Variants in BCKDHB observed in about 807,000 individuals in gnomAD.
BCKDHB encodes the protein 2-oxoisovalerate dehydrogenase subunit beta, mitochondrial.
A neutral mutation model predicts 48.5 loss-of-function variants in BCKDHB; 41 were observed. That is an observed-to-expected ratio of 0.85 (90% CI 0.66 to 1.10). The LOEUF is 1.10. BCKDHB is among the 50% of genes least tolerant of loss of function. The probability of loss-of-function intolerance (pLI) is 0.00; values close to 1 mark genes in which losing one functional copy is unlikely to be tolerated. For synonymous variants in BCKDHB, 201 were observed against 174.8 expected (o/e 1.15, Z -1.18); for missense variants, 496 against 494.2 (o/e 1.00, Z -0.03).
intron 3 of BCKDHB, among the ~76,000 whole-genome samples, chr6:80,148,848 C>T (rs892408423): frequency 1.3e-4 from 19 of 151,936 alleles, no homozygotes; most frequent in Admixed American, 8.5e-4. Context: ...AAATGTTAGA[C>T]CTAAAACCAT....
chr6:80,204,668 T>C (rs1270584940), intron 8 of BCKDHB, among the ~76,000 whole-genome samples: 1 of 148,106 alleles, frequency 6.8e-6, no homozygotes, highest in East Asian at 1.9e-4. Flanking sequence ...CGTATCTATC[T>C]ATATATATAT....
chr6:80,316,811 A>G (rs1768470727), intron 9 of BCKDHB, among the ~76,000 whole-genome samples: 1 of 152,210 alleles, frequency 6.6e-6, no homozygotes, highest in Non-Finnish European at 1.5e-5. Flanking sequence ...TGCATAGACT[A>G]TGCCAACCTT....
At chr6:80,178,904 C>G (rs1773288013) in intron 6 of BCKDHB, among the ~76,000 whole-genome samples, 1 of 152,166 alleles carries the variant, frequency 6.6e-6, no homozygotes, top group Non-Finnish European at 1.5e-5. Context: ...TATTTTGCAT[C>G]CCACCTAATT....
Position 80,168,905 on chromosome 6 carries a change from C to T in BCKDHB, c.508C>T (p.Arg170Cys), listed in dbSNP as rs398124581. 1.4e-5 allele frequency: 22 copies of T among 1,614,118 alleles called. No homozygotes were observed. The highest frequency in any genetic ancestry group is 1.6e-4 in the Middle Eastern group (1 of 6,062). Residue 170 changes from arginine to cysteine, a missense_variant, in exon 5 of 10, where the codon CGC becomes TGC. Physicochemically the swap from Arg to Cys is radical, Grantham distance 180. Transcript: ENST00000320393. ...TAATGAAGCTGCCAAGTATCGCTAT[C>T]GCTCTGGGGATCTTTTTAACTGTGG... is the stretch of plus-strand genomic sequence containing the variant. ...IVNEAAKYRYRSGDLFNCGSL... is the reference protein window; with the variant it reads ...IVNEAAKYRYCSGDLFNCGSL...
intron 8 of BCKDHB, among the ~76,000 whole-genome samples, chr6:80,221,957 T>A (rs1775473005): frequency 6.6e-6 from 1 of 152,230 alleles, no homozygotes; most frequent in South Asian, 2.1e-4. Context: ...TATTATTTTT[T>A]AAAACGTTTT....
At chr6:80,440,617 A>ATTTTT in the BCKDHB span, 1 of 135,938 alleles carries the variant, frequency 7.4e-6, no homozygotes. Flanking sequence ...AGCTTGGTAC[A>ATTTTT]TTTTTTTTTT....
the BCKDHB span, among the ~76,000 whole-genome samples, chr6:80,440,337 C>A: frequency 6.6e-6 from 1 of 152,182 alleles, no homozygotes; most frequent in Non-Finnish European, 1.5e-5. Flanking sequence ...TTATGACTAA[C>A]TTTACCAGAT....
intron 9 of BCKDHB, among the ~76,000 whole-genome samples, chr6:80,284,274 A>C (rs1229937985): frequency 7.9e-5 from 12 of 152,146 alleles, no homozygotes; most frequent in Non-Finnish European, 1.5e-4. Context: ...ATTTGAAGTT[A>C]AACACTTGTG....
At chr6:80,255,070 G>A (rs920402286) in intron 8 of BCKDHB, among the ~76,000 whole-genome samples, 1 of 152,144 alleles carries the variant, frequency 6.6e-6, no homozygotes, top group Non-Finnish European at 1.5e-5. Flanking sequence ...AAATGAGTCT[G>A]ATTACATTGT....
intron 6 of BCKDHB, among the ~76,000 whole-genome samples, chr6:80,179,194 C>A (rs537776063): frequency 4.0e-5 from 6 of 151,810 alleles, no homozygotes; most frequent in Non-Finnish European, 7.4e-5. Flanking sequence ...TGCTAATTTT[C>A]GTATTTCTCA....
intron 9 of BCKDHB, among the ~76,000 whole-genome samples, chr6:80,283,080 G>T (rs1485375722): frequency 1.3e-5 from 2 of 152,026 alleles, no homozygotes; most frequent in Admixed American, 6.6e-5. Flanking sequence ...ATAAGATTTG[G>T]TTTTTCTGCA....
chr6:80,407,382 A>G, the BCKDHB span, among the ~76,000 whole-genome samples: 1 of 152,060 alleles, frequency 6.6e-6, no homozygotes, highest in Non-Finnish European at 1.5e-5. Context: ...GTTTTTTTCC[A>G]ATTCTGTGAA....
At chr6:80,330,967 G>A (rs1306383243) in intron 9 of BCKDHB, among the ~76,000 whole-genome samples, 1 of 152,138 alleles carries the variant, frequency 6.6e-6, no homozygotes, top group African/African-American at 2.4e-5. Context: ...TATTTGCAAA[G>A]CTGAATTCTA....
intron 1 of BCKDHB, among the ~76,000 whole-genome samples, chr6:80,121,719 T>G (rs1770030803): frequency 6.6e-6 from 1 of 152,238 alleles, no homozygotes; most frequent in South Asian, 2.1e-4. Context: ...CTTGAAACTT[T>G]GCAGAATTTG....
chr6:80,266,615 A>G (rs1447758900), intron 8 of BCKDHB, among the ~76,000 whole-genome samples: 1 of 152,090 alleles, frequency 6.6e-6, no homozygotes, highest in Non-Finnish European at 1.5e-5. Flanking sequence ...CATGTATTGT[A>G]CTGCGAACTC....
At chr6:80,327,654 C>T (rs567908658) in intron 9 of BCKDHB, among the ~76,000 whole-genome samples, 167 of 152,232 alleles carry the variant, frequency 1.1e-3, no homozygotes, top group African/African-American at 3.9e-3. Flanking sequence ...CTCTGTACCT[C>T]GTATTTGAGG....
At chr6:80,283,172 G>A (rs763091354) in intron 9 of BCKDHB, among the ~76,000 whole-genome samples, 1 of 151,988 alleles carries the variant, frequency 6.6e-6, no homozygotes, top group South Asian at 2.1e-4. Flanking sequence ...TTGTATTGGG[G>A]TATTCAGATT....
chr6:80,190,693 A>C (rs1773853603), intron 6 of BCKDHB, among the ~76,000 whole-genome samples: 1 of 152,152 alleles, frequency 6.6e-6, no homozygotes, highest in African/African-American at 2.4e-5. Flanking sequence ...AGTGCTATTT[A>C]TAATTTAAAT....
At chr6:80,394,997 C>T in the BCKDHB span, among the ~76,000 whole-genome samples, 2 of 152,150 alleles carry the variant, frequency 1.3e-5, no homozygotes, top group Non-Finnish European at 2.9e-5. Context: ...GTGTTTGTTT[C>T]CACTTTTGCC....
Sources: gnomAD v4.1 joint callset for allele counts (sites outside exome capture counted in the v4.1 genomes callset) on GRCh38, gnomAD v4.1.1 for gene constraint, MANE v1.5 for transcripts, NCBI Gene and HGNC (gene_info 2026-07-23, HGNC 2026-07-21) for gene names.